Variants in USP13 observed in about 807,000 individuals in gnomAD.
USP13 encodes the protein ubiquitin specific peptidase 13, also known as ubiquitin carboxyl-terminal hydrolase 13.
USP13 carries 68 observed loss-of-function variants against 107.8 expected under a neutral mutation model. That is an observed-to-expected ratio of 0.63 (90% confidence interval 0.52 to 0.77). USP13 has a LOEUF of 0.77. Among genes scored for constraint, USP13 ranks in the 30% least tolerant of loss-of-function variants. The probability of loss-of-function intolerance (pLI) is 0.00; values close to 1 mark genes in which losing one functional copy is unlikely to be tolerated. For synonymous variants in USP13, 377 were observed against 389.5 expected (o/e 0.97, Z 0.38); for missense variants, 945 against 1,093.3 (o/e 0.86, Z 1.91).
At chr3:179,655,476 A>G (rs1457912949) in intron 1 of USP13, among the ~76,000 whole-genome samples, 2 of 151,346 alleles carry the variant, frequency 1.3e-5, no homozygotes, top group African/African-American at 4.9e-5. Flanking sequence ...ATATTTCATT[A>G]TCTATGTTTC....
At chr3:179,750,267 AAAT>A (rs1300084584) in intron 13 of USP13, among the ~76,000 whole-genome samples, 12 of 146,602 alleles carry the variant, frequency 8.2e-5, no homozygotes, top group South Asian at 4.3e-4. Flanking sequence ...CTCTGTCTCA[AAAT>A]AATAATAATA....
chr3:179,715,405 C>T (rs1329408736), intron 6 of USP13, among the ~76,000 whole-genome samples: 1 of 143,276 alleles, frequency 7.0e-6, no homozygotes, highest in Admixed American at 7.4e-5. Context: ...CACTTTCTGG[C>T]CCAGGCTGGA....
In USP13 at chr3:179,654,201, G is replaced by GA. The variant is rs1296959273; in HGVS notation, c.168+809dup. Among the ~76,000 whole-genome samples the GA allele has an allele frequency of 5.1e-5, 6 of 118,232 alleles. No homozygotes were observed. The East Asian group carries it at 1.6e-3, about 31-fold the overall frequency. 77.6% of individuals were successfully genotyped at this position (118,232 alleles called of 152,430 possible). A position where few individuals can be genotyped will look rare whatever the true frequency, so the allele number is the denominator to read the frequency against. On this transcript the variant is annotated intron_variant, in intron 1 of 20. Coordinates refer to ENST00000263966, the MANE Select transcript of USP13 (RefSeq NM_003940.3). ...TGCCCTCCAGCCTGGGCGACAGAGC[G>GA]AGACTCCGTCTCAAAAAAAAAAAAA...
At chr3:179,694,232 C>T (rs1375277243) in intron 3 of USP13, among the ~76,000 whole-genome samples, 1 of 152,146 alleles carries the variant, frequency 6.6e-6, no homozygotes, top group Non-Finnish European at 1.5e-5. Context: ...GCCTTGGCCT[C>T]CCAGAATGCT....
At chr3:179,677,196 C>T (rs749694853) in intron 1 of USP13, among the ~76,000 whole-genome samples, 2 of 151,886 alleles carry the variant, frequency 1.3e-5, no homozygotes, top group Non-Finnish European at 2.9e-5. Flanking sequence ...CTTATGTGGC[C>T]ATTCCTCTCT....
intron 2 of USP13, among the ~76,000 whole-genome samples, chr3:179,688,692 C>T (rs1711985864): frequency 1.3e-5 from 2 of 152,174 alleles, no homozygotes; most frequent in South Asian, 2.1e-4. Flanking sequence ...TCCTTGTTAT[C>T]CTTCCGGCAT....
At chr3:179,756,467 G>A (rs949931661) in intron 15 of USP13, among the ~76,000 whole-genome samples, 21 of 152,278 alleles carry the variant, frequency 1.4e-4, no homozygotes, top group Non-Finnish European at 2.4e-4. Flanking sequence ...AGAGAGGCTG[G>A]GCGCAGTGGT....
intron 19 of USP13, among the ~76,000 whole-genome samples, chr3:179,777,550 T>C (rs1056885463): frequency 1.3e-5 from 2 of 149,976 alleles, no homozygotes; most frequent in Non-Finnish European, 3.0e-5. Context: ...TCCCCTGGGC[T>C]CCAGCAATTC....
intron 16 of USP13, 37 bp downstream of exon 16, chr3:179,757,115 G>A (rs374488361): frequency 1.0e-5 from 16 of 1,604,154 alleles, no homozygotes; most frequent in Non-Finnish European, 1.3e-5. Flanking sequence ...ATGTCCTACT[G>A]TTGTTATTAA....
chr3:179,774,206 AGAGTGAGAACTCACTT>A (rs758180702), intron 19 of USP13, among the ~76,000 whole-genome samples: 56 of 152,296 alleles, frequency 3.7e-4, no homozygotes, highest in Middle Eastern at 6.8e-3. Flanking sequence ...TTGAACTAAT[AGAGTGAGAACTCACTT>A]ATTACCAGGA....
intron 3 of USP13, among the ~76,000 whole-genome samples, chr3:179,691,754 C>G (rs1712125152): frequency 6.6e-6 from 1 of 152,138 alleles, no homozygotes; most frequent in Non-Finnish European, 1.5e-5. Flanking sequence ...AATGATGGCT[C>G]TAGTGTTTGA....
At chr3:179,740,990 C>T (rs1714176735) in intron 11 of USP13, among the ~76,000 whole-genome samples, 1 of 152,028 alleles carries the variant, frequency 6.6e-6, no homozygotes, top group Admixed American at 6.5e-5. Flanking sequence ...TGGTTTTGAA[C>T]TCCTGACCTT....
At position 179,762,036 on chromosome 3, in the gene USP13, C is replaced by G. The variant is rs76754577; in HGVS notation, c.2092+781C>G. On this transcript the variant is annotated intron_variant, in intron 17 of 20. Transcript: ENST00000263966. ...CCATTACCACTATCAAATTTTAGAA[C>G]ATTTTGTACCCTTCAAAAGAAATCT... 3.9e-5 allele frequency among the ~76,000 whole-genome samples: 6 copies of G among 152,248 alleles called. No individual in the cohort carries two copies. The East Asian group carries it at 7.7e-4, about 20-fold the overall frequency.
intron 8 of USP13, among the ~76,000 whole-genome samples, chr3:179,725,807 T>C (rs983421152): frequency 6.6e-6 from 1 of 152,232 alleles, no homozygotes; most frequent in Non-Finnish European, 1.5e-5. Context: ...CTTCATGAGA[T>C]GACATTCTAG....
At position 179,719,931 on chromosome 3, in the gene USP13, A is replaced by G; in HGVS notation, c.806-9A>G. ...TGATTGCAGTGCTTATTTTCTCTTC[A>G]TCCGCTAGATGTTTATTCTTTTCAA... On this transcript the variant is annotated splice_polypyrimidine_tract_variant and intron_variant, in intron 6 of 20. Coordinates refer to ENST00000263966, the MANE Select transcript of USP13 (RefSeq NM_003940.3). The G allele has an allele frequency of 1.2e-6, 2 of 1,611,114 alleles. No homozygotes were observed. The highest frequency in any genetic ancestry group is 1.7e-6 in the Non-Finnish European group (2 of 1,177,902).
At chr3:179,676,823 G>T (rs932443013) in intron 1 of USP13, among the ~76,000 whole-genome samples, 1 of 152,134 alleles carries the variant, frequency 6.6e-6, no homozygotes, top group Admixed American at 6.5e-5. Flanking sequence ...ATGTAAAGGG[G>T]CACACACTAC....
chr3:179,786,094 G>C lies in USP13; in HGVS notation c.*1953G>C, dbSNP rs888946791. The C allele has an allele frequency of 6.6e-6, 1 of 152,164 alleles. No individual in the cohort carries two copies. The highest frequency in any genetic ancestry group is 6.5e-5 in the Admixed American group (1 of 15,274). 9.4% of individuals were successfully genotyped at this position (152,164 alleles called of 1,614,324 possible). A position where few individuals can be genotyped will look rare whatever the true frequency, so the allele number is the denominator to read the frequency against. The stretch of plus-strand genomic sequence containing the variant: ...CTTTTCTACCAAAGTGTGCCCACTG[G>C]TGTCACCTCCTAATGTTAACTTGGA... On this transcript the variant is annotated 3_prime_UTR_variant, in exon 21 of 21. Transcript: ENST00000263966.
chr3:179,658,416 G>T (rs13090042), intron 1 of USP13, among the ~76,000 whole-genome samples: 41,238 of 150,996 alleles, frequency 0.27, 6,590 homozygotes, highest in Middle Eastern at 0.39. Flanking sequence ...CCTCATAGTT[G>T]GCTCTCTTGT....
intron 1 of USP13, among the ~76,000 whole-genome samples, chr3:179,657,252 T>C (rs1720292833): frequency 6.6e-6 from 1 of 152,162 alleles, no homozygotes; most frequent in Admixed American, 6.5e-5. Flanking sequence ...GCGCGGTGGC[T>C]AACGCCTGTA....
Sources: allele counts gnomAD v4.1 joint callset (sites outside exome capture counted in the v4.1 genomes callset), GRCh38; gene constraint gnomAD v4.1.1; transcripts MANE v1.5; gene names NCBI Gene and HGNC (gene_info 2026-07-23, HGNC 2026-07-21).